RAB11FIP5: variants seen among roughly 807,000 people sequenced by gnomAD.
RAB11FIP5 encodes the protein rab11 family-interacting protein 5.
In RAB11FIP5, 48 loss-of-function variants were observed where a neutral mutation model predicts 85.1. That is an observed-to-expected ratio of 0.56 (90% confidence interval 0.45 to 0.72). The LOEUF is 0.72. Among genes scored for constraint, RAB11FIP5 ranks in the 30% least tolerant of loss-of-function variants. The pLI is 0.00. For missense variants in RAB11FIP5, 1,491 were observed against 1,687.0 expected (o/e 0.88, Z 2.04); for synonymous variants, 729 against 727.3 (o/e 1.00, Z -0.04).
At chr2:73,105,625 CAT>C (rs1156551217) in intron 1 of RAB11FIP5, among the ~76,000 whole-genome samples, 6 of 152,046 alleles carry the variant, frequency 3.9e-5, no homozygotes, top group Non-Finnish European at 5.9e-5. Context: ...CTGGGACAGA[CAT>C]AAGGCTAGAG....
rs761742146 is a variant in RAB11FIP5 at position 73,074,876 on chromosome 2, A to T, written c.*645T>A. Reference sequence around the variant, plus strand: ...GAGGGGTCAGGGAGCAGCCTGAAGCACACACATCATCCACCACTGTCCACA... The same window carrying T: ...GAGGGGTCAGGGAGCAGCCTGAAGCTCACACATCATCCACCACTGTCCACA... On this transcript the variant is annotated 3_prime_UTR_variant, in exon 6 of 6. Coordinates refer to ENST00000486777, the MANE Select transcript of RAB11FIP5 (RefSeq NM_001371272.1). 2.3e-4 allele frequency: 66 copies of T among 284,186 alleles called. No individual in the cohort carries two copies. The highest frequency in any genetic ancestry group is 3.7e-4 in the Non-Finnish European group (54 of 144,102). 17.6% of individuals were successfully genotyped at this position (284,186 alleles called of 1,614,324 possible). A position where few individuals can be genotyped will look rare whatever the true frequency, so the allele number is the denominator to read the frequency against.
rs962142497 is a variant in RAB11FIP5 at position 73,080,582 on chromosome 2, C to T, written c.2650G>A (p.Glu884Lys). ...GSEGLPPPEP[E>K]PKPEWVSDKG... ...TCAGACACCCACTCGGGTTTAGGCT[C>T]GGGCTCCGGTGGGGGAAGCCCCTCG... The change falls in exon 4 of 6, where the codon GAG (glutamate) becomes AAG (lysine). Residue 884 changes from glutamate (E) to lysine (K), a missense_variant. Around this residue, in one of 3 missense-constraint regions of RAB11FIP5, gnomAD observed 1,211 missense variants for 1,338.0 expected, o/e 0.91. Transcript: ENST00000486777. The T allele has an allele frequency of 1.5e-5, 18 of 1,232,358 alleles. No homozygotes were observed. Among genetic ancestry groups the T allele is most frequent in the African/African-American group, 1.4e-4 (9 of 64,512 alleles). 76.3% of individuals were successfully genotyped at this position (1,232,358 alleles called of 1,614,324 possible).
chr2:73,083,600 G>A (rs1204197693), intron 3 of RAB11FIP5, among the ~76,000 whole-genome samples: 8 of 152,162 alleles, frequency 5.3e-5, no homozygotes, highest in Non-Finnish European at 1.0e-4. Context: ...TGGACATGGT[G>A]AAGATACCAA....
In RAB11FIP5 at chr2:73,112,464, G is replaced by A; in HGVS notation, c.314C>T (p.Ala105Val). ...CATGGTGGTGAGCACCAGCTCGCAG[G>A]CGGCGGCGGAGCTCGCGGCCCAGGG... ...PAPWAASSAA[A>V]CELVLTTMHR... The change falls in exon 1 of 6, where the codon GCC becomes GTC. Residue 105 changes from alanine (A) to valine (V), a missense_variant. By Grantham distance (64) the Ala-to-Val change is moderately conservative (BLOSUM62 0). Around this residue, in one of 3 missense-constraint regions of RAB11FIP5, gnomAD observed 1,211 missense variants for 1,338.0 expected, o/e 0.91. Transcript: ENST00000486777. The A allele has an allele frequency of 6.7e-7, 1 of 1,490,786 alleles. No individual in the cohort carries two copies. The highest frequency in any genetic ancestry group is 8.8e-7 in the Non-Finnish European group (1 of 1,130,438). The allele number at this position is 1,490,786 out of a possible 1,614,324, so 92.3% of individuals were successfully genotyped here.
chr2:73,106,573 G>T (rs1274206629), intron 1 of RAB11FIP5, among the ~76,000 whole-genome samples: 1 of 152,168 alleles, frequency 6.6e-6, no homozygotes, highest in African/African-American at 2.4e-5. Context: ...TACCCTTCCA[G>T]GTCAGCAGAG....
chr2:73,105,906 G>A (rs189904662), intron 1 of RAB11FIP5, among the ~76,000 whole-genome samples: 7 of 152,220 alleles, frequency 4.6e-5, no homozygotes, highest in Middle Eastern at 3.4e-3. Flanking sequence ...TGTGCCATGT[G>A]CTGTGGTCAA....
At chr2:73,094,244 G>T (rs1000068501) in intron 1 of RAB11FIP5, among the ~76,000 whole-genome samples, 2 of 152,004 alleles carry the variant, frequency 1.3e-5, no homozygotes, top group African/African-American at 2.4e-5. Context: ...CCTGATCAAG[G>T]TTTTTTCTCC....
chr2:73,103,962 C>T (rs1684478212), intron 1 of RAB11FIP5, among the ~76,000 whole-genome samples: 1 of 152,114 alleles, frequency 6.6e-6, no homozygotes, highest in Non-Finnish European at 1.5e-5. Context: ...AAGACAAAAC[C>T]AAGTGGCGAT....
chr2:73,099,200 C>A (rs1006756225), intron 1 of RAB11FIP5, among the ~76,000 whole-genome samples: 4 of 152,036 alleles, frequency 2.6e-5, no homozygotes, highest in Non-Finnish European at 5.9e-5. Context: ...CAGGCCCCTG[C>A]CGCCATGCCC....
chr2:73,106,491 C>G (rs1321778769), intron 1 of RAB11FIP5, among the ~76,000 whole-genome samples: 2 of 152,192 alleles, frequency 1.3e-5, no homozygotes, highest in Admixed American at 1.3e-4. Flanking sequence ...GCTTCCCCCC[C>G]TTTGGAATCT....
rs1683776336 is a variant in RAB11FIP5, at chr2:73,073,469, C to G, written c.*2052G>C. 6.5e-6 allele frequency: 1 copy of G among 152,702 alleles called. No homozygotes were observed. Among genetic ancestry groups the G allele is most frequent in the African/African-American group, 2.4e-5 (1 of 41,454 alleles). 9.5% of individuals were successfully genotyped at this position (152,702 alleles called of 1,614,324 possible). ...AAAGAGCCTTAACTAGGAAGACAAA[C>G]AGCAAAGCAGAACCATGCCTGCTCC... On this transcript the variant is annotated 3_prime_UTR_variant, in exon 6 of 6. Transcript: ENST00000486777.
intron 1 of RAB11FIP5, among the ~76,000 whole-genome samples, chr2:73,094,014 G>A (rs929769611): frequency 1.3e-5 from 2 of 151,786 alleles, no homozygotes; most frequent in East Asian, 1.9e-4. Context: ...TGAGCTGCTC[G>A]GGAAGCTGAG....
rs200102225 is a variant in RAB11FIP5 at position 73,075,771 on chromosome 2, T to G, written c.3772-47A>C. ...TGAGCAGGGCAGCCCTAGGCCTGCC[T>G]GCCTGCCTGCCCGCTTGCCCGCCCG... On this transcript the variant is annotated intron_variant, in intron 5 of 5. Coordinates refer to ENST00000486777, the MANE Select transcript of RAB11FIP5 (RefSeq NM_001371272.1). This position sits in a 1 kb window ranked among gnomAD's most constrained non-coding sequence, Gnocchi z 4.6. The G allele has an allele frequency of 5.6e-4, 849 of 1,529,324 alleles. 6 individuals carry two copies. The African/African-American group carries it at 0.01, about 18-fold the overall frequency. 94.7% of individuals were successfully genotyped at this position (1,529,324 alleles called of 1,614,324 possible). A position where few individuals can be genotyped will look rare whatever the true frequency, so the allele number is the denominator to read the frequency against.
Position 73,112,745 on chromosome 2 carries a change from C to T in RAB11FIP5, c.33G>A (p.Ala11=). The change falls in exon 1 of 6, where the codon GCG becomes GCA. Residue 11 remains alanine (A), a synonymous_variant. Transcript: ENST00000486777. MALVRGAEPA[A]GPSRWLPTHV... is the part of the protein sequence containing the mutation. ...GCGTGGGCAGCCAGCGGGAAGGCCC[C>T]GCCGCCGGCTCCGCGCCCCGCACCA... 6.7e-7 allele frequency: 1 copy of T among 1,487,782 alleles called. No homozygotes were observed. The highest frequency in any genetic ancestry group is 8.9e-7 in the Non-Finnish European group (1 of 1,122,490). 92.2% of individuals were successfully genotyped at this position (1,487,782 alleles called of 1,614,324 possible). A position where few individuals can be genotyped will look rare whatever the true frequency, so the allele number is the denominator to read the frequency against.
At chr2:73,077,684 C>T (rs1199649008) in intron 4 of RAB11FIP5, among the ~76,000 whole-genome samples, 3 of 152,230 alleles carry the variant, frequency 2.0e-5, no homozygotes, top group Non-Finnish European at 2.9e-5. Context: ...CTAATTCCTA[C>T]TCATGTTTCA....
In RAB11FIP5 at chr2:73,078,672, T is replaced by C. The variant is rs944963150; in HGVS notation, c.3581+979A>G. Reference sequence around the variant, plus strand: ...TTTCATCTGTTCAGCATCTGACACATAGTAGGTGCTCAGTGAATGTGGATG... The same window carrying C: ...TTTCATCTGTTCAGCATCTGACACACAGTAGGTGCTCAGTGAATGTGGATG... On this transcript the variant is annotated intron_variant, in intron 4 of 5. Coordinates refer to ENST00000486777, the MANE Select transcript of RAB11FIP5 (RefSeq NM_001371272.1). This position sits in a 1 kb window ranked among gnomAD's most constrained non-coding sequence, Gnocchi z 4.4. 3.9e-5 allele frequency among the ~76,000 whole-genome samples: 6 copies of C among 152,336 alleles called. No individual in the cohort carries two copies. Among genetic ancestry groups the C allele is most frequent in the African/African-American group, 1.2e-4 (5 of 41,576 alleles).
intron 1 of RAB11FIP5, among the ~76,000 whole-genome samples, chr2:73,100,588 G>A (rs562517798): frequency 1.3e-5 from 2 of 152,076 alleles, no homozygotes; most frequent in South Asian, 2.1e-4. Flanking sequence ...ACCACACCCA[G>A]CTAATTTTTG....
At chr2:73,095,636 T>C (rs1447470544) in intron 1 of RAB11FIP5, among the ~76,000 whole-genome samples, 2 of 152,076 alleles carry the variant, frequency 1.3e-5, no homozygotes, top group African/African-American at 4.8e-5. Flanking sequence ...GGAAACTAAG[T>C]TGTGGAGATG....
In RAB11FIP5 at chr2:73,074,845, A is replaced by T. The variant is rs147959637; in HGVS notation, c.*676T>A. The T allele has an allele frequency of 1.5e-3, 335 of 226,324 alleles. 1 individual carries two copies. The highest frequency in any genetic ancestry group is 8.8e-3 in the Middle Eastern group (5 of 566). 14.0% of individuals were successfully genotyped at this position (226,324 alleles called of 1,614,324 possible). ...ACATTCCCATGTGACACTCGTGGAA[A>T]GGTCAGAGGGGTCAGGGAGCAGCCT... On this transcript the variant is annotated 3_prime_UTR_variant, in exon 6 of 6. Coordinates refer to ENST00000486777, the MANE Select transcript of RAB11FIP5 (RefSeq NM_001371272.1).
Sources: gnomAD v4.1 joint callset for allele counts (sites outside exome capture counted in the v4.1 genomes callset) on GRCh38, gnomAD v4.1.1 for gene constraint, gnomAD v4.1.1 regional missense constraint, Gnocchi (gnomAD v3.1) non-coding constraint, MANE v1.5 for transcripts, NCBI Gene and HGNC (gene_info 2026-07-23, HGNC 2026-07-21) for gene names.